Variants in NEMP2 observed in about 807,000 individuals in gnomAD.
NEMP2 encodes the protein nuclear envelope integral membrane protein 2.
A neutral mutation model predicts 54.2 loss-of-function variants in NEMP2; 53 were observed. The observed-to-expected ratio is 0.98, with a 90% CI of 0.78 to 1.23. NEMP2 has a LOEUF of 1.23. Among genes scored for constraint, NEMP2 ranks in the 50% most tolerant of loss-of-function variants. The pLI, the probability that NEMP2 is intolerant of heterozygous loss-of-function variation, is 0.00. For synonymous variants in NEMP2, 197 were observed against 190.3 expected (o/e 1.04, Z -0.29); for missense variants, 455 against 511.3 (o/e 0.89, Z 1.06).
chr2:190,558,554 G>C, the NEMP2 span, among the ~76,000 whole-genome samples: 1 of 152,154 alleles, frequency 6.6e-6, no homozygotes, highest in Admixed American at 6.5e-5. The surrounding 1 kb of genome is among the most constrained non-coding windows in gnomAD (Gnocchi z 4.4). Context: ...TGCACTACTT[G>C]CCAGCAGGTA....
the NEMP2 span, among the ~76,000 whole-genome samples, chr2:190,445,933 G>A: frequency 4.6e-5 from 7 of 152,226 alleles, no homozygotes; most frequent in East Asian, 9.6e-4. Flanking sequence ...TTTTTTATCG[G>A]GATAGGTGAT....
downstream of NEMP2, chr2:190,502,085 T>G (rs1224531400): frequency 1.3e-5 from 2 of 152,644 alleles, no homozygotes; most frequent in Admixed American, 6.5e-5. This position sits in a 1 kb window ranked among gnomAD's most constrained non-coding sequence, Gnocchi z 4.4. Flanking sequence ...TAAATGTTTC[T>G]TAAATGATAA....
At chr2:190,497,395 T>C in the NEMP2 span, 1 of 1,590,600 alleles carries the variant, frequency 6.3e-7, no homozygotes, top group Non-Finnish European at 8.6e-7. This position sits in a 1 kb window ranked among gnomAD's most constrained non-coding sequence, Gnocchi z 5.2. Flanking sequence ...TTCAAATATG[T>C]AGAAAATGCT....
the NEMP2 span, among the ~76,000 whole-genome samples, chr2:190,435,064 A>G: frequency 3.9e-5 from 6 of 152,272 alleles, no homozygotes; most frequent in East Asian, 1.2e-3. Flanking sequence ...TCCCAAAACC[A>G]ACCCCCCTCT....
chr2:190,585,967 T>C, the NEMP2 span, among the ~76,000 whole-genome samples: 3 of 152,278 alleles, frequency 2.0e-5, no homozygotes, highest in South Asian at 4.2e-4. This position sits in a 1 kb window ranked among gnomAD's most constrained non-coding sequence, Gnocchi z 5.3. Flanking sequence ...TAGGTTAATG[T>C]CCCCTAGACA....
At position 190,513,107 on chromosome 2, in the gene NEMP2, T is replaced by C. The variant is rs889215080; in HGVS notation, c.953+1346A>G. On this transcript the variant is annotated intron_variant, in intron 7 of 8. Coordinates refer to ENST00000409150, the MANE Select transcript of NEMP2 (RefSeq NM_001142645.2). This position sits in a 1 kb window ranked among gnomAD's most constrained non-coding sequence, Gnocchi z 5.3. Reference sequence around the variant, plus strand: ...GTTCTCCTGCCACAGGGGCCTCCCCTTTATATCCACCTGCTGTGCCAGAAG... The same window carrying C: ...GTTCTCCTGCCACAGGGGCCTCCCCCTTATATCCACCTGCTGTGCCAGAAG... Among the ~76,000 whole-genome samples, 13 of 152,196 alleles carry C rather than the reference T, an allele frequency of 8.5e-5. No individual in the cohort carries two copies. Among genetic ancestry groups the C allele is most frequent in the African/African-American group, 2.9e-4 (12 of 41,460 alleles).
At chr2:190,596,180 A>G in the NEMP2 span, among the ~76,000 whole-genome samples, 5 of 152,198 alleles carry the variant, frequency 3.3e-5, no homozygotes, top group African/African-American at 9.7e-5. This position sits in a 1 kb window ranked among gnomAD's most constrained non-coding sequence, Gnocchi z 5.1. Flanking sequence ...GTTATCACTC[A>G]TAAGTGGGAG....
chr2:190,450,488 C>CTTTTTT, the NEMP2 span, among the ~76,000 whole-genome samples: 529 of 97,210 alleles, frequency 5.4e-3, 5 homozygotes, highest in Non-Finnish European at 7.5e-3. Flanking sequence ...TCTCTTTTTC[C>CTTTTTT]TTTTTTTTTT....
At chr2:190,478,701 G>T in the NEMP2 span, among the ~76,000 whole-genome samples, 1 of 152,110 alleles carries the variant, frequency 6.6e-6, no homozygotes, top group Non-Finnish European at 1.5e-5. Flanking sequence ...CTTGTTGATT[G>T]CCAAAGACCT....
At chr2:190,609,468 T>C in the NEMP2 span, 1 of 152,134 alleles carries the variant, frequency 6.6e-6, no homozygotes, top group Non-Finnish European at 1.5e-5. This position sits in a 1 kb window ranked among gnomAD's most constrained non-coding sequence, Gnocchi z 4.7. Flanking sequence ...TAAAACTTGT[T>C]TAATCCTAAA....
rs769620674 is a variant in NEMP2 at position 190,522,256 on chromosome 2, T to A, written c.213+3007A>T. Among the ~76,000 whole-genome samples the A allele has an allele frequency of 6.6e-6, 1 of 151,948 alleles. No homozygotes were observed. Among genetic ancestry groups the A allele is most frequent in the Admixed American group, 6.6e-5 (1 of 15,242 alleles). ...TTGGGAGAGGGGCAAGGGTTGAAAA[T>A]CTACTGATTGGGTACTATGGTCACT... On this transcript the variant is annotated intron_variant, in intron 2 of 8. Transcript: ENST00000409150. This position sits in a 1 kb window ranked among gnomAD's most constrained non-coding sequence, Gnocchi z 5.0.
the NEMP2 span, among the ~76,000 whole-genome samples, chr2:190,427,963 C>T: frequency 6.6e-6 from 1 of 152,324 alleles, no homozygotes; most frequent in East Asian, 1.9e-4. Context: ...AACTCCTGAC[C>T]TCAGGTGATC....
chr2:190,641,688 T>A, the NEMP2 span, among the ~76,000 whole-genome samples: 1 of 152,158 alleles, frequency 6.6e-6, no homozygotes, highest in East Asian at 1.9e-4. Flanking sequence ...TAACAGACAA[T>A]TATTAATGGC....
chr2:190,499,950 T>C (rs1185497110), downstream of NEMP2: 12 of 1,602,596 alleles, frequency 7.5e-6, no homozygotes, highest in Non-Finnish European at 1.0e-5. This position sits in a 1 kb window ranked among gnomAD's most constrained non-coding sequence, Gnocchi z 6.0. Flanking sequence ...CTTGAAAGCA[T>C]ATATAAAAAG....
chr2:190,534,195 G>A lies in NEMP2; in HGVS notation c.97+364C>T, dbSNP rs1222516793. 12 of 1,053,424 alleles carry A rather than the reference G, an allele frequency of 1.1e-5. No individual in the cohort carries two copies. In the African/African-American group the frequency reaches 1.8e-4, roughly 16 times the overall value. 65.3% of individuals were successfully genotyped at this position (1,053,424 alleles called of 1,614,324 possible). A position where few individuals can be genotyped will look rare whatever the true frequency, so the allele number is the denominator to read the frequency against. On this transcript the variant is annotated intron_variant, in intron 1 of 8. Coordinates refer to ENST00000409150, the MANE Select transcript of NEMP2 (RefSeq NM_001142645.2). ...ATTGATGTACTGTACAAAAGGCCGTGTGCTGAAAGTCTGGAGACTAGGGTC... is the reference window on the plus strand; with the variant it reads ...ATTGATGTACTGTACAAAAGGCCGTATGCTGAAAGTCTGGAGACTAGGGTC...
chr2:190,558,909 A>C, the NEMP2 span, among the ~76,000 whole-genome samples: 3 of 152,230 alleles, frequency 2.0e-5, no homozygotes, highest in Non-Finnish European at 2.9e-5. This position sits in a 1 kb window ranked among gnomAD's most constrained non-coding sequence, Gnocchi z 4.4. Flanking sequence ...TGTATATATG[A>C]ATATTATATG....
intron 5 of NEMP2, 60 bp from the exon 6 acceptor site, chr2:190,516,444 A>C: frequency 7.9e-7 from 1 of 1,260,240 alleles, no homozygotes; most frequent in Non-Finnish European, 1.1e-6. Context: ...ATAAAAATAA[A>C]AGCAAACAAA....
chr2:190,593,497 T>C, the NEMP2 span, among the ~76,000 whole-genome samples: 2 of 152,210 alleles, frequency 1.3e-5, no homozygotes, highest in Admixed American at 1.3e-4. The surrounding 1 kb of genome is among the most constrained non-coding windows in gnomAD (Gnocchi z 4.5). Flanking sequence ...GTGAAGAGTC[T>C]TCTCTCTTGT....
chr2:190,472,220 A>T, the NEMP2 span, among the ~76,000 whole-genome samples: 1 of 152,384 alleles, frequency 6.6e-6, no homozygotes, highest in East Asian at 1.9e-4. Context: ...CTCACTAGCA[A>T]TGGAACAAAG....
Sources: gnomAD v4.1 joint callset for allele counts (sites outside exome capture counted in the v4.1 genomes callset) on GRCh38, gnomAD v4.1.1 for gene constraint, Gnocchi (gnomAD v3.1) non-coding constraint, MANE v1.5 for transcripts, NCBI Gene and HGNC (gene_info 2026-07-23, HGNC 2026-07-21) for gene names.